The following TACC2 variants were observed in gnomAD, a reference collection of about 807,000 sequenced individuals.
TACC2 encodes the protein transforming acidic coiled-coil containing protein 2.
In TACC2, 137 loss-of-function variants were observed where a neutral mutation model predicts 227.3. The observed-to-expected ratio is 0.60, with a 90% CI of 0.52 to 0.69. The LOEUF (loss-of-function observed/expected upper bound fraction) is 0.69, where lower values mean the gene tolerates loss of function less well. Among genes scored for constraint, TACC2 ranks in the 30% least tolerant of loss-of-function variants. The pLI is 0.00. For synonymous variants in TACC2, 1,523 were observed against 1,487.5 expected (o/e 1.02, Z -0.55); for missense variants, 3,470 against 3,694.4 (o/e 0.94, Z 1.57).
At chr10:122,140,302 G>T (rs949291888) in intron 6 of TACC2, among the ~76,000 whole-genome samples, 1 of 152,236 alleles carries the variant, frequency 6.6e-6, no homozygotes, top group African/African-American at 2.4e-5. Flanking sequence ...ATGGCTGTCT[G>T]CTGAAAGCGT....
intron 11 of TACC2, among the ~76,000 whole-genome samples, chr10:122,217,334 C>T (rs1488744698): frequency 3.3e-5 from 5 of 151,940 alleles, no homozygotes; most frequent in Admixed American, 6.6e-5. Context: ...TGATTCCCTC[C>T]TCAGAAATGG....
In TACC2 at chr10:122,209,420, G is replaced by C. The variant is rs1427601224; in HGVS notation, c.5972-977G>C. On this transcript the variant is annotated intron_variant, in intron 8 of 22. Transcript: ENST00000369005. This position sits in a 1 kb window ranked among gnomAD's most constrained non-coding sequence, Gnocchi z 4.5. Reference sequence around the variant, plus strand: ...TTCTCTGTCTTCCTGTCCCACTCTTGACCCTTGCTTTAGCCACACTGGCCT... The same window carrying C: ...TTCTCTGTCTTCCTGTCCCACTCTTCACCCTTGCTTTAGCCACACTGGCCT... Among the ~76,000 whole-genome samples the C allele has an allele frequency of 6.6e-6, 1 of 152,126 alleles. No homozygotes were observed. Among genetic ancestry groups the C allele is most frequent in the Non-Finnish European group, 1.5e-5 (1 of 68,030 alleles).
chr10:122,088,096 C>T, intron 4 of TACC2, 137 bp downstream of exon 4: 2 of 923,808 alleles, frequency 2.2e-6, no homozygotes, highest in Non-Finnish European at 1.5e-6. Flanking sequence ...GCTAAATGAA[C>T]CTGCTTACCC....
intron 5 of TACC2, among the ~76,000 whole-genome samples, chr10:122,096,322 C>G (rs577397874): frequency 6.6e-6 from 1 of 152,334 alleles, no homozygotes; most frequent in South Asian, 2.1e-4. Flanking sequence ...CCCTGGATGG[C>G]CCCATGAACT....
At chr10:122,123,257 G>A (rs370202497) in intron 5 of TACC2, among the ~76,000 whole-genome samples, 3 of 152,012 alleles carry the variant, frequency 2.0e-5, no homozygotes, top group East Asian at 1.9e-4. Flanking sequence ...CACCCACCTC[G>A]GCCTCCCAAA....
At chr10:122,197,846 C>T (rs759734644) in intron 8 of TACC2, among the ~76,000 whole-genome samples, 5 of 152,196 alleles carry the variant, frequency 3.3e-5, no homozygotes, top group South Asian at 2.1e-4. Context: ...GCCTCCCAGG[C>T]GGAGGGTCCC....
intron 7 of TACC2, among the ~76,000 whole-genome samples, chr10:122,160,528 A>AGT (rs200468950): frequency 0.066 from 9,492 of 144,044 alleles, 436 homozygotes; most frequent in African/African-American, 0.14. Flanking sequence ...GCAGAGAAGA[A>AGT]GTGTGTGTGT....
intron 5 of TACC2, among the ~76,000 whole-genome samples, chr10:122,116,748 A>T (rs2084771329): frequency 6.6e-6 from 1 of 152,176 alleles, no homozygotes; most frequent in African/African-American, 2.4e-5. Flanking sequence ...GCCTGTGTGC[A>T]TTAGTGTTGT....
chr10:122,040,008 C>T (rs2074051826), intron 2 of TACC2, among the ~76,000 whole-genome samples: 1 of 152,142 alleles, frequency 6.6e-6, no homozygotes, highest in African/African-American at 2.4e-5. Context: ...CCTTTTGCAG[C>T]AAGCTGAGTC....
At chr10:122,028,129 C>A (rs1409386880) in intron 2 of TACC2, among the ~76,000 whole-genome samples, 1 of 117,520 alleles carries the variant, frequency 8.5e-6, no homozygotes, top group Non-Finnish European at 1.7e-5. Flanking sequence ...ACTCTGTCAC[C>A]CAGACTGGAG....
chr10:122,155,762 T>G (rs1232144775), intron 7 of TACC2, among the ~76,000 whole-genome samples: 1 of 152,130 alleles, frequency 6.6e-6, no homozygotes, highest in Non-Finnish European at 1.5e-5. Flanking sequence ...CGAAGGAAAT[T>G]GTTATCTGAG....
chr10:122,040,426 G>C (rs2074108932), intron 2 of TACC2, among the ~76,000 whole-genome samples: 1 of 152,156 alleles, frequency 6.6e-6, no homozygotes, highest in Admixed American at 6.5e-5. Flanking sequence ...GTGAAATAAG[G>C]GCCATGCCAG....
chr10:122,245,517 C>T (rs2096091591), intron 19 of TACC2, among the ~76,000 whole-genome samples: 1 of 152,058 alleles, frequency 6.6e-6, no homozygotes, highest in South Asian at 2.1e-4. Flanking sequence ...CACCATACAG[C>T]GTGCTGGGAA....
intron 7 of TACC2, among the ~76,000 whole-genome samples, chr10:122,172,842 G>A (rs1013825239): frequency 3.9e-5 from 6 of 152,128 alleles, no homozygotes; most frequent in African/African-American, 1.4e-4. Context: ...GAGGGCAGGG[G>A]GTGAGGGGCA....
At chr10:121,996,305 C>T (rs1274956551) in intron 1 of TACC2, among the ~76,000 whole-genome samples, 1 of 152,154 alleles carries the variant, frequency 6.6e-6, no homozygotes, top group East Asian at 1.9e-4. Context: ...ATCATCCTGC[C>T]TCGACCTCCC....
chr10:122,063,831 TACACACACAC>T (rs139868618), intron 3 of TACC2, among the ~76,000 whole-genome samples: 1 of 146,392 alleles, frequency 6.8e-6, no homozygotes, highest in East Asian at 2.0e-4. Flanking sequence ...TATTATATAA[TACACACACAC>T]ACACACACAC....
At chr10:122,160,071 C>G (rs1017617030) in intron 7 of TACC2, among the ~76,000 whole-genome samples, 4 of 152,198 alleles carry the variant, frequency 2.6e-5, no homozygotes, top group Admixed American at 2.0e-4. Flanking sequence ...GTTTGCTGAT[C>G]TTTCTGGTAG....
rs768766027 is a variant in TACC2, at chr10:122,084,049, C to T, written c.1549C>T (p.Pro517Ser). ...HEVQPGVPPP[P>S]LPKEQSHEVQ... ...GGTCCAACCAGGAGTACCACCCCCT[C>T]CTCTTCCCAAGGAGCAAAGCCATGA... The change falls in exon 4 of 23, where the codon CCT (proline) becomes TCT (serine). Residue 517 changes from proline (P) to serine (S), a missense_variant. By Grantham distance (74) the Pro-to-Ser change is moderately conservative. Transcript: ENST00000369005. 6.2e-7 allele frequency: 1 copy of T among 1,614,094 alleles called. No homozygotes were observed. Among genetic ancestry groups the T allele is most frequent in the South Asian group, 1.1e-5 (1 of 91,078 alleles).
intron 5 of TACC2, among the ~76,000 whole-genome samples, chr10:122,112,618 C>T (rs2083807679): frequency 9.0e-6 from 1 of 111,110 alleles, no homozygotes. Context: ...GCAACGGCCC[C>T]GCAGAGGAAG....
Sources: gnomAD v4.1 joint callset for allele counts (sites outside exome capture counted in the v4.1 genomes callset) on GRCh38, gnomAD v4.1.1 for gene constraint, Gnocchi (gnomAD v3.1) non-coding constraint, MANE v1.5 for transcripts, NCBI Gene and HGNC (gene_info 2026-07-23, HGNC 2026-07-21) for gene names.